The following DCAF13 variants were observed in gnomAD, a reference collection of about 807,000 sequenced individuals.
DCAF13 encodes DDB1 and CUL4 associated factor 13, also known as DDB1- and CUL4-associated factor 13.
DCAF13 carries 38 observed loss-of-function variants against 59.0 expected under a neutral mutation model. That is an observed-to-expected ratio of 0.64 (90% CI 0.50 to 0.84). DCAF13 has a LOEUF of 0.84. Ranked by LOEUF, DCAF13 falls within the 40% of genes least tolerant of loss-of-function variation. The probability of loss-of-function intolerance (pLI) is 0.00; values close to 1 mark genes in which losing one functional copy is unlikely to be tolerated. For missense variants in DCAF13, 469 were observed against 558.4 expected, an observed-to-expected ratio of 0.84 and a Z score of 1.61; for synonymous variants, 173 against 175.0, an observed-to-expected ratio of 0.99 and a Z score of 0.09.
At chr8:103,427,342 C>G (rs1563504107) in intron 5 of DCAF13, 90 bp downstream of exon 5, 2 of 1,179,520 alleles carry the variant, frequency 1.7e-6, no homozygotes, top group African/African-American at 1.6e-5. Flanking sequence ...ATAGAAACTT[C>G]TGAATTTTAA....
At chr8:103,418,295 G>A (rs1218756046) in intron 1 of DCAF13, among the ~76,000 whole-genome samples, 1 of 151,960 alleles carries the variant, frequency 6.6e-6, no homozygotes. Flanking sequence ...AAGGTGGGAG[G>A]ATCTCTTGAG....
rs1050083312 is a variant in DCAF13 at position 103,425,907 on chromosome 8, G to A, written c.379-149G>A. The stretch of plus-strand genomic sequence containing the variant: ...TGTCACAAATCTTTACTAAAACAAG[G>A]TGGGATATAAATGGATCAATAAGTG... On this transcript the variant is annotated intron_variant, in intron 3 of 10. Coordinates refer to ENST00000612750, the MANE Select transcript of DCAF13 (RefSeq NM_015420.7). 2.5e-5 allele frequency: 14 copies of A among 564,502 alleles called. No homozygotes were observed. In the Admixed American group the frequency reaches 4.0e-4, roughly 16 times the overall value. 35.0% of individuals were successfully genotyped at this position (564,502 alleles called of 1,614,324 possible).
chr8:103,442,894 A>T lies in DCAF13; in HGVS notation c.*12A>T. The T allele has an allele frequency of 1.3e-6, 2 of 1,543,666 alleles. No individual in the cohort carries two copies. Among genetic ancestry groups the T allele is most frequent in the Non-Finnish European group, 1.8e-6 (2 of 1,129,048 alleles). The stretch of plus-strand genomic sequence containing the variant: ...CAGTTGTAAAATAATTGGTATTCCT[A>T]ACAATCCTGATGTATAATTATTTGT... On this transcript the variant is annotated 3_prime_UTR_variant, in exon 11 of 11. Coordinates refer to ENST00000612750, the MANE Select transcript of DCAF13 (RefSeq NM_015420.7).
chr8:103,437,972 A>G (rs1403454013), intron 8 of DCAF13, among the ~76,000 whole-genome samples: 2 of 152,162 alleles, frequency 1.3e-5, no homozygotes, highest in Non-Finnish European at 2.9e-5. Context: ...ATCTCCTAAT[A>G]GTAGAACTTT....
At position 103,427,106 on chromosome 8, in the gene DCAF13, A is replaced by G. The variant is rs777363133; in HGVS notation, c.478A>G (p.Thr160Ala). The G allele has an allele frequency of 1.2e-6, 2 of 1,612,142 alleles. No homozygotes were observed. The highest frequency in any genetic ancestry group is 1.7e-6 in the Non-Finnish European group (2 of 1,179,398). ...CTTTTTGCTTTTAAAGACAGTGTATACTGGGATTGATCATCACTGGAAAGA... is the reference window on the plus strand; with the variant it reads ...CTTTTTGCTTTTAAAGACAGTGTATGCTGGGATTGATCATCACTGGAAAGA... ...LHTILGKTVY[T>A]GIDHHWKEAV... The change falls in exon 5 of 11, where the codon ACT becomes GCT. Residue 160 changes from threonine to alanine, a missense_variant. Physicochemically the swap from Thr to Ala is moderately conservative, Grantham distance 58. Around this residue, in one of 3 missense-constraint regions of DCAF13, gnomAD observed 355 missense variants for 399.1 expected, o/e 0.89. Transcript: ENST00000612750.
rs978660607 is a variant in DCAF13, at chr8:103,441,742, A to G, written c.1250+124A>G. 3.3e-6 allele frequency: 3 copies of G among 918,962 alleles called. No individual in the cohort carries two copies. The African/African-American group carries it at 5.3e-5, about 16-fold the overall frequency. 56.9% of individuals were successfully genotyped at this position (918,962 alleles called of 1,614,324 possible). On this transcript the variant is annotated intron_variant, in intron 10 of 10. Coordinates refer to ENST00000612750, the MANE Select transcript of DCAF13 (RefSeq NM_015420.7). ...GCTATTATTTAATAGTATGTTAGTG[A>G]TGTGTTTGAAGACTTCTACAGAAGG...
intron 1 of DCAF13, among the ~76,000 whole-genome samples, chr8:103,418,391 A>G (rs1015525093): frequency 6.6e-6 from 1 of 151,670 alleles, no homozygotes; most frequent in African/African-American, 2.4e-5. Context: ...ATGGTGGTGC[A>G]TGCCTCAGGT....
chr8:103,440,031 T>C (rs1457436300), intron 8 of DCAF13, 105 bp from the exon 9 acceptor site: 1 of 854,868 alleles, frequency 1.2e-6, no homozygotes, highest in Non-Finnish European at 1.6e-6. Flanking sequence ...TTTTATTTTA[T>C]ACTCCTATAG....
At chr8:103,416,530 C>T (rs1040424386) in intron 1 of DCAF13, among the ~76,000 whole-genome samples, 1 of 152,154 alleles carries the variant, frequency 6.6e-6, no homozygotes, top group Non-Finnish European at 1.5e-5. Context: ...CTGTGGCACA[C>T]ACCCTTACCC....
intron 7 of DCAF13, among the ~76,000 whole-genome samples, chr8:103,434,140 A>T (rs1021887308): frequency 2.0e-5 from 3 of 151,876 alleles, no homozygotes; most frequent in African/African-American, 7.3e-5. Context: ...ATTTGTAAGT[A>T]TTTTTTTCTT....
In DCAF13 at chr8:103,430,608, T is replaced by G; in HGVS notation, c.625-4T>G. ...GAACTGGTGATTGTTATACTTGTTT[T>G]TAGACATTTCTCTTGGGAAGTTGTG... On this transcript the variant is annotated splice_region_variant and splice_polypyrimidine_tract_variant and intron_variant, in intron 5 of 10. Transcript: ENST00000612750. 1 of 1,610,052 alleles carries G rather than the reference T, an allele frequency of 6.2e-7. No individual in the cohort carries two copies. The highest frequency in any genetic ancestry group is 8.5e-7 in the Non-Finnish European group (1 of 1,177,434).
intron 7 of DCAF13, among the ~76,000 whole-genome samples, chr8:103,433,568 A>C (rs1330997844): frequency 6.6e-6 from 1 of 151,976 alleles, no homozygotes; most frequent in African/African-American, 2.4e-5. Flanking sequence ...CACTATGTAG[A>C]TTTGGAAGCA....
chr8:103,441,789 T>G lies in DCAF13; in HGVS notation c.1250+171T>G, dbSNP rs558185911. ...AAGGCCTTTTCTTTTTTCTTTTTTT[T>G]TTTTTTGAGACGGAGTCTCGCTCTG... On this transcript the variant is annotated intron_variant, in intron 10 of 10. Coordinates refer to ENST00000612750, the MANE Select transcript of DCAF13 (RefSeq NM_015420.7). 2.5e-5 allele frequency: 16 copies of G among 633,092 alleles called. No homozygotes were observed. In the Admixed American group the frequency reaches 6.3e-4, roughly 25 times the overall value. 39.2% of individuals were successfully genotyped at this position (633,092 alleles called of 1,614,324 possible). A position where few individuals can be genotyped will look rare whatever the true frequency, so the allele number is the denominator to read the frequency against.
chr8:103,416,587 TC>T (rs1816616748), intron 1 of DCAF13, among the ~76,000 whole-genome samples: 1 of 152,226 alleles, frequency 6.6e-6, no homozygotes, highest in South Asian at 2.1e-4. Context: ...AGTAATCTGT[TC>T]CTGCTTACCT....
intron 3 of DCAF13, among the ~76,000 whole-genome samples, chr8:103,421,861 A>G (rs1816727064): frequency 6.6e-6 from 1 of 152,226 alleles, no homozygotes; most frequent in Admixed American, 6.5e-5. Flanking sequence ...TTATCCGTTC[A>G]TTCATCAATG....
At position 103,420,412 on chromosome 8, in the gene DCAF13, A is replaced by G. The variant is rs1285140582; in HGVS notation, c.219A>G (p.Ala73=). The G allele has an allele frequency of 3.1e-6, 5 of 1,614,154 alleles. No homozygotes were observed. The highest frequency in any genetic ancestry group is 3.3e-4 in the Middle Eastern group (2 of 6,062). ...DGHRDGVNCL[A]KHPEKLATVL... ...ACCGTGATGGAGTCAATTGCTTGGC[A>G]AAGCATCCAGAGAAGCTGGCTACTG... The change falls in exon 2 of 11, where the codon GCA becomes GCG. Residue 73 remains alanine, a synonymous_variant. Coordinates refer to ENST00000612750, the MANE Select transcript of DCAF13 (RefSeq NM_015420.7).
chr8:103,417,282 A>G (rs1816634343), intron 1 of DCAF13, among the ~76,000 whole-genome samples: 1 of 152,124 alleles, frequency 6.6e-6, no homozygotes, highest in African/African-American at 2.4e-5. Flanking sequence ...AAAACCAAAC[A>G]TTGAATTAAG....
chr8:103,424,870 G>T (rs1189738466), intron 3 of DCAF13, among the ~76,000 whole-genome samples: 2 of 152,184 alleles, frequency 1.3e-5, no homozygotes, highest in Admixed American at 1.3e-4. Context: ...TTTTAGTATA[G>T]TGCCAGTGGC....
chr8:103,418,153 C>T (rs1047943979), intron 1 of DCAF13, among the ~76,000 whole-genome samples: 4 of 151,650 alleles, frequency 2.6e-5, no homozygotes, highest in African/African-American at 9.7e-5. Flanking sequence ...AAAAAGACAT[C>T]TGATAATAGT....
Sources: allele counts gnomAD v4.1 joint callset (sites outside exome capture counted in the v4.1 genomes callset), GRCh38; gene constraint gnomAD v4.1.1; regional missense constraint gnomAD v4.1.1; transcripts MANE v1.5; gene names NCBI Gene and HGNC (gene_info 2026-07-23, HGNC 2026-07-21).